Variants in NAV3 observed in about 807,000 individuals in gnomAD.
The protein encoded by NAV3 is pore membrane and/or filament interacting like protein 1.
In NAV3, 87 loss-of-function variants were observed where a neutral mutation model predicts 244.7. That is an observed-to-expected ratio of 0.36 (90% CI 0.30 to 0.42). The LOEUF is 0.42. Ranked by LOEUF, NAV3 falls within the 20% of genes least tolerant of loss-of-function variation. The pLI is 1.00. For synonymous variants in NAV3, 1,126 were observed against 1,042.2 expected (o/e 1.08, Z -1.55); for missense variants, 2,663 against 2,893.3 (o/e 0.92, Z 1.83).
intron 29 of NAV3, 108 bp from the exon 30 acceptor site, chr12:78,180,763 A>T: frequency 2.3e-6 from 2 of 857,228 alleles, no homozygotes; most frequent in Non-Finnish European, 3.6e-6. Flanking sequence ...TTAACATATT[A>T]ACATGTTTTA....
At chr12:78,145,080 T>A (rs1956810648) in intron 20 of NAV3, 1 of 308,976 alleles carries the variant, frequency 3.2e-6, no homozygotes. Flanking sequence ...CCTTGCTTAC[T>A]TTTTATTCAA....
intron 8 of NAV3, among the ~76,000 whole-genome samples, chr12:78,013,196 C>T (rs915720617): frequency 2.6e-5 from 4 of 152,106 alleles, no homozygotes; most frequent in Admixed American, 2.6e-4. Flanking sequence ...ATCTCTTATG[C>T]ATGAGACATC....
intron 9 of NAV3, among the ~76,000 whole-genome samples, chr12:78,026,682 A>G (rs969422460): frequency 6.6e-6 from 1 of 152,194 alleles, no homozygotes; most frequent in African/African-American, 2.4e-5. Flanking sequence ...AGGTACTAAG[A>G]TACCCTAGAA....
chr12:78,059,131 T>C lies in NAV3; in HGVS notation c.2636+16T>C. Reference sequence around the variant, plus strand: ...ATGCAGACAGGTAATGCTATCAGCATATATGATGGTGAGACATGCATGAAG... The same window carrying C: ...ATGCAGACAGGTAATGCTATCAGCACATATGATGGTGAGACATGCATGAAG... On this transcript the variant is annotated intron_variant, in intron 12 of 39. Coordinates refer to ENST00000397909, the MANE Select transcript of NAV3 (RefSeq NM_001024383.2). 1 of 1,605,634 alleles carries C rather than the reference T, an allele frequency of 6.2e-7. No individual in the cohort carries two copies. Among genetic ancestry groups the C allele is most frequent in the Non-Finnish European group, 8.5e-7 (1 of 1,176,532 alleles).
intron 15 of NAV3, among the ~76,000 whole-genome samples, chr12:78,120,461 C>T (rs1955623215): frequency 1.3e-5 from 2 of 152,094 alleles, no homozygotes; most frequent in African/African-American, 4.8e-5. Flanking sequence ...CATATCTTGA[C>T]ACATTAAAGA....
Position 77,639,629 on chromosome 12 carries a change from T to C in NAV3, c.72+67363T>C, listed in dbSNP as rs570253701. Among the ~76,000 whole-genome samples the C allele has an allele frequency of 3.3e-5, 5 of 152,254 alleles. No individual in the cohort carries two copies. In the South Asian group the frequency reaches 8.3e-4, roughly 25 times the overall value. On this transcript the variant is annotated intron_variant, in intron 2 of 8. Coordinates refer to the NAV3 transcript ENST00000550042. ...ACACATTTATTATTTGTCTTTTAAG[T>C]ATGAGGGTGCTCAGTGTTGGCTATA...
intron 12 of NAV3, among the ~76,000 whole-genome samples, chr12:78,081,770 G>A (rs1953366316): frequency 6.6e-6 from 1 of 152,138 alleles, no homozygotes; most frequent in Admixed American, 6.6e-5. Flanking sequence ...TCAGTGCTGA[G>A]CCTTCCACAC....
chr12:77,793,613 G>A (rs2135949785), intron 2 of NAV3, among the ~76,000 whole-genome samples: 1 of 152,190 alleles, frequency 6.6e-6, no homozygotes, highest in South Asian at 2.1e-4. Context: ...TGAGAATGAT[G>A]GTTTCCAGCT....
At chr12:77,754,054 T>A (rs1243526433) in intron 2 of NAV3, among the ~76,000 whole-genome samples, 2 of 152,188 alleles carry the variant, frequency 1.3e-5, no homozygotes, top group African/African-American at 2.4e-5. Flanking sequence ...TTAATACTTT[T>A]AAATTATGAA....
At chr12:77,677,649 G>A (rs1874266321) in intron 2 of NAV3, among the ~76,000 whole-genome samples, 1 of 152,208 alleles carries the variant, frequency 6.6e-6, no homozygotes, top group African/African-American at 2.4e-5. Flanking sequence ...AGGGATTGCT[G>A]AGAAGATAAA....
At chr12:77,628,902 C>CAAA (rs200250331) in intron 2 of NAV3, among the ~76,000 whole-genome samples, 4 of 86,654 alleles carry the variant, frequency 4.6e-5, no homozygotes, top group African/African-American at 1.7e-4. Flanking sequence ...ACCCTGTCTC[C>CAAA]AAAAAAAAAA....
intron 12 of NAV3, 79 bp from the exon 13 acceptor site, chr12:78,116,689 TTGTG>T: frequency 7.6e-7 from 1 of 1,310,746 alleles, no homozygotes; most frequent in Non-Finnish European, 1.0e-6. Flanking sequence ...TAATAATAAA[TTGTG>T]AATGTTGCAT....
At chr12:77,811,607 C>T (rs950411670) in intron 2 of NAV3, among the ~76,000 whole-genome samples, 3 of 152,318 alleles carry the variant, frequency 2.0e-5, no homozygotes, top group Admixed American at 2.0e-4. Context: ...TAATGCACAA[C>T]ACATAGTGAG....
intron 2 of NAV3, among the ~76,000 whole-genome samples, chr12:77,695,665 C>G (rs922480291): frequency 5.9e-5 from 9 of 152,026 alleles, no homozygotes; most frequent in South Asian, 2.1e-4. Context: ...TTATCATGTA[C>G]AAAACTCTAA....
intron 2 of NAV3, among the ~76,000 whole-genome samples, chr12:77,804,396 C>A (rs889149718): frequency 1.3e-5 from 2 of 152,110 alleles, no homozygotes; most frequent in African/African-American, 4.8e-5. Flanking sequence ...TATGGCTAGC[C>A]AGTTTTCCCA....
At position 77,614,415 on chromosome 12, in the gene NAV3, T is replaced by C. The variant is rs116015302; in HGVS notation, c.72+42149T>C. Among the ~76,000 whole-genome samples the C allele has an allele frequency of 2.7e-3, 416 of 152,254 alleles. 1 individual carries two copies. The highest frequency in any genetic ancestry group is 9.8e-3 in the African/African-American group (406 of 41,546). ...TGGATGTTAGTAGCCCTGTATTTTCTAGGCCCCTTTTGTCCTCAGCCTGAC... is the reference window on the plus strand; with the variant it reads ...TGGATGTTAGTAGCCCTGTATTTTCCAGGCCCCTTTTGTCCTCAGCCTGAC... On this transcript the variant is annotated intron_variant, in intron 2 of 8. Transcript: ENST00000550042.
intron 34 of NAV3, among the ~76,000 whole-genome samples, chr12:78,192,076 TA>T (rs1379553387): frequency 5.9e-5 from 9 of 152,236 alleles, no homozygotes; most frequent in African/African-American, 1.4e-4. Flanking sequence ...TAGCTTTCCC[TA>T]AAAAATATCT....
At chr12:77,632,581 A>T (rs1268654774) in intron 2 of NAV3, among the ~76,000 whole-genome samples, 2 of 152,196 alleles carry the variant, frequency 1.3e-5, no homozygotes, top group African/African-American at 4.8e-5. Flanking sequence ...CTCCCACGAC[A>T]CGTGGGAATT....
At chr12:77,645,457 TG>T (rs553274813) in intron 2 of NAV3, among the ~76,000 whole-genome samples, 6 of 143,686 alleles carry the variant, frequency 4.2e-5, no homozygotes, top group Non-Finnish European at 7.5e-5. Flanking sequence ...GAAAAAGACC[TG>T]GGGAAGCCTT....
Sources: gnomAD v4.1 joint callset for allele counts (sites outside exome capture counted in the v4.1 genomes callset) on GRCh38, gnomAD v4.1.1 for gene constraint, MANE v1.5 for transcripts, NCBI Gene and HGNC (gene_info 2026-07-23, HGNC 2026-07-21) for gene names.